Variants in SPTBN5 observed in about 807,000 individuals in gnomAD.
The protein encoded by SPTBN5 is spectrin beta chain, non-erythrocytic 5.
SPTBN5 carries 513 observed loss-of-function variants against 477.6 expected under a neutral mutation model. The ratio of observed to expected loss-of-function variants is 1.07; its 90% CI spans 1.00 to 1.16. The LOEUF (loss-of-function observed/expected upper bound fraction) is 1.16. SPTBN5 is among the 50% of genes most tolerant of loss of function. The pLI is 0.00. For missense variants in SPTBN5, 5,062 were observed against 4,731.8 expected, an observed-to-expected ratio of 1.07 and a Z score of -2.05; for synonymous variants, 2,169 against 2,011.7, an observed-to-expected ratio of 1.08 and a Z score of -2.09.
chr15:41,879,691 G>A, intron 15 of SPTBN5, 43 bp downstream of exon 15: 1 of 1,609,968 alleles, frequency 6.2e-7, no homozygotes, highest in African/African-American at 1.3e-5. Context: ...GCTGGGCACT[G>A]TGTCTGCCTG....
chr15:41,866,059 T>A lies in SPTBN5; in HGVS notation c.6801A>T (p.Ala2267=). 1 of 1,555,404 alleles carries A rather than the reference T, an allele frequency of 6.4e-7. No individual in the cohort carries two copies. The highest frequency in any genetic ancestry group is 8.7e-7 in the Non-Finnish European group (1 of 1,149,888). Residue 2267 remains alanine (A), a synonymous_variant, in exon 38 of 68, where the codon GCA becomes GCT. Transcript: ENST00000320955. ...FLEFLQRVDL[A]EAWIQEKEVK... is the part of the protein sequence containing the mutation. Reference sequence around the variant, plus strand: ...ACACCTTCTCCTGGATCCAGGCCTCTGCAAGGTCCACTCTCTGCAGGAACT... The same window carrying A: ...ACACCTTCTCCTGGATCCAGGCCTCAGCAAGGTCCACTCTCTGCAGGAACT...
chr15:41,853,045 C>T (rs1302222565), intron 59 of SPTBN5, 45 bp from the exon 60 acceptor site: 2 of 1,469,810 alleles, frequency 1.4e-6, no homozygotes, highest in Non-Finnish European at 1.8e-6. Flanking sequence ...GGTAGGGCTC[C>T]CACCATGGGC....
chr15:41,859,913 A>T (rs930666705), intron 47 of SPTBN5, among the ~76,000 whole-genome samples: 1 of 152,184 alleles, frequency 6.6e-6, no homozygotes, highest in African/African-American at 2.4e-5. Context: ...CTCTCTGAGA[A>T]GGACAAAAGC....
chr15:41,848,252 T>G lies in SPTBN5; in HGVS notation c.*364A>C. On this transcript the variant is annotated 3_prime_UTR_variant, in exon 68 of 68. Transcript: ENST00000320955. ...TACAGAGCTCGCTCATCAGTGTTCT[T>G]CCTCCGAAGAGCACATTCTCTGCAC... 1 of 493,512 alleles carries G rather than the reference T, an allele frequency of 2.0e-6. No individual in the cohort carries two copies. Among genetic ancestry groups the G allele is most frequent in the Non-Finnish European group, 3.7e-6 (1 of 271,494 alleles). 30.6% of individuals were successfully genotyped at this position (493,512 alleles called of 1,614,324 possible). A position where few individuals can be genotyped will look rare whatever the true frequency, so the allele number is the denominator to read the frequency against.
Position 41,853,692 on chromosome 15 carries a change from G to A in SPTBN5, c.9870C>T (p.Ala3290=). The change falls in exon 58 of 68, where the codon GCC becomes GCT. Residue 3290 remains alanine, a synonymous_variant. Transcript: ENST00000320955. ...GGGTGGCCCAGGCCTCCTGCACCTT[G>A]GCCAGGCCCCCCGGAGCTGCAGGAT... ...QLHPAAPGGL[A]KVQEAWATLQ... The A allele has an allele frequency of 1.2e-6, 2 of 1,601,994 alleles. No homozygotes were observed. The highest frequency in any genetic ancestry group is 2.2e-5 in the East Asian group (1 of 44,614).
chr15:41,853,032 T>TTGGGTAGGGCTCCCACCA, intron 59 of SPTBN5, 32 bp from the exon 60 acceptor site: 2 of 1,483,332 alleles, frequency 1.3e-6, no homozygotes, highest in Non-Finnish European at 1.8e-6. Context: ...GGGTGACAGC[T>TTGGGTAGGGCTCCCACCA]TGGGTAGGGC....
rs1362947430 is a variant in SPTBN5 at position 41,883,051 on chromosome 15, T to C, written c.1837A>G (p.Lys613Glu). The C allele has an allele frequency of 1.3e-6, 2 of 1,573,604 alleles. No homozygotes were observed. Among genetic ancestry groups the C allele is most frequent in the South Asian group, 1.2e-5 (1 of 86,494 alleles). ...LGTSVEVLQA[K>E]ARTLAQLQQS... The stretch of plus-strand genomic sequence containing the variant: ...TGGAGCTGGGCCAGTGTCCTGGCCT[T>C]GGCCTGCAGCACCTCCACACTGGTG... The change falls in exon 9 of 68, where the codon AAG (lysine) becomes GAG (glutamate). Residue 613 changes from lysine to glutamate, a missense_variant. Physicochemically the swap from Lys to Glu is moderately conservative, Grantham distance 56. Transcript: ENST00000320955.
At chr15:41,855,450 C>T in intron 54 of SPTBN5, 22 bp from the exon 55 acceptor site, 2 of 1,596,402 alleles carry the variant, frequency 1.3e-6, no homozygotes, top group South Asian at 2.2e-5. Flanking sequence ...GAGCGACAGT[C>T]TGGACTGCAG....
rs777165967 is a variant in SPTBN5 at position 41,862,801 on chromosome 15, C to G, written c.7252G>C (p.Ala2418Pro). ...AGCCAGCTACGCACCTCCACCTGGG[C>G]CTGGATGGGGTGCACTTCCCGCTCC... ...ELEREVHPIQ[A>P]QVESLEREVG... Residue 2418 changes from alanine to proline, a missense_variant, in exon 42 of 68, where the codon GCC becomes CCC. Coordinates refer to ENST00000320955, the MANE Select transcript of SPTBN5 (RefSeq NM_016642.4). The G allele has an allele frequency of 4.4e-6, 7 of 1,573,576 alleles. No homozygotes were observed. The highest frequency in any genetic ancestry group is 5.2e-6 in the Non-Finnish European group (6 of 1,160,900).
At chr15:41,873,082 G>A (rs1421672286) in intron 26 of SPTBN5, among the ~76,000 whole-genome samples, 1 of 152,214 alleles carries the variant, frequency 6.6e-6, no homozygotes, top group African/African-American at 2.4e-5. Flanking sequence ...TGTGGGAGGA[G>A]GTCGGCTTCA....
intron 39 of SPTBN5, among the ~76,000 whole-genome samples, chr15:41,865,139 G>T (rs1457338502): frequency 6.6e-6 from 1 of 152,176 alleles, no homozygotes; most frequent in Non-Finnish European, 1.5e-5. Context: ...TAGCACATTT[G>T]GTCTTTAACA....
At position 41,855,374 on chromosome 15, in the gene SPTBN5, C is replaced by T; in HGVS notation, c.9273G>A (p.Leu3091=). Residue 3091 remains leucine (L), a synonymous_variant, in exon 55 of 68, where the codon CTG becomes CTA. Transcript: ENST00000320955. The stretch of plus-strand genomic sequence containing the variant: ...CGTGCCCCCTGGCCTCCGCCCTCCG[C>T]AGCAGCTCTGCGTGGGCCTCCCGAA... The part of the protein sequence containing the change: ...QAVREAHAEL[L]RRAEARGHGL... 1 of 1,605,222 alleles carries T rather than the reference C, an allele frequency of 6.2e-7. No homozygotes were observed. The highest frequency in any genetic ancestry group is 1.1e-5 in the South Asian group (1 of 91,036).
At chr15:41,891,193 C>T (rs2067299960) in intron 3 of SPTBN5, among the ~76,000 whole-genome samples, 2 of 152,154 alleles carry the variant, frequency 1.3e-5, no homozygotes, top group African/African-American at 4.8e-5. Context: ...CTGGTGTATC[C>T]TAGGGGAGTG....
chr15:41,871,313 G>T lies in SPTBN5; in HGVS notation c.5447+62C>A, dbSNP rs903791968. On this transcript the variant is annotated intron_variant, in intron 29 of 67. Transcript: ENST00000320955. ...CATGCCATCCTCTCTTACCACTCTGGGCCCTGCCTGCCCAGCTCCTTCCCC... is the reference window on the plus strand; with the variant it reads ...CATGCCATCCTCTCTTACCACTCTGTGCCCTGCCTGCCCAGCTCCTTCCCC... The T allele has an allele frequency of 1.5e-5, 20 of 1,353,980 alleles. No individual in the cohort carries two copies. The African/African-American group carries it at 3.1e-4, about 21-fold the overall frequency. The allele number at this position is 1,353,980 out of a possible 1,614,324, so 83.9% of individuals were successfully genotyped here.
At chr15:41,859,408 C>T (rs1164292185) in intron 47 of SPTBN5, among the ~76,000 whole-genome samples, 1 of 152,240 alleles carries the variant, frequency 6.6e-6, no homozygotes, top group Non-Finnish European at 1.5e-5. Context: ...ATCCACCTAC[C>T]TCGGCCTCCC....
chr15:41,882,216 AC>A (rs1177286002), intron 11 of SPTBN5, 52 bp downstream of exon 11: 3 of 732,874 alleles, frequency 4.1e-6, no homozygotes, highest in Non-Finnish European at 5.7e-6. Context: ...TGGCACCCCC[AC>A]CCCCGCCTCG....
Position 41,876,101 on chromosome 15 carries a change from C to G in SPTBN5, c.4122+13G>C, listed in dbSNP as rs2066715123. On this transcript the variant is annotated intron_variant, in intron 21 of 67. Transcript: ENST00000320955. ...ACAAGGAGGCTCTGCACCCTCTGTC[C>G]CGTGTCCCCCACCTGCTGCAGGGCC... 5.7e-6 allele frequency: 9 copies of G among 1,592,452 alleles called. No individual in the cohort carries two copies. The highest frequency in any genetic ancestry group is 6.8e-6 in the Non-Finnish European group (8 of 1,172,978).
At chr15:41,873,789 C>T (rs2066621178) in intron 25 of SPTBN5, 56 bp downstream of exon 25, 9 of 1,592,428 alleles carry the variant, frequency 5.7e-6, no homozygotes, top group Non-Finnish European at 7.7e-6. Flanking sequence ...ACAGGTGGCC[C>T]CTCAAGGAGC....
rs779734288 is a variant in SPTBN5, at chr15:41,866,419, C to T, written c.6555G>A (p.Leu2185=). Residue 2185 remains leucine, a synonymous_variant, in exon 37 of 68, where the codon CTG becomes CTA. Coordinates refer to ENST00000320955, the MANE Select transcript of SPTBN5 (RefSeq NM_016642.4). ...AGGCCTGGTGTTTCAGCAGGGGCTTCAGCTTATCTCTCAGGTCCCCAGGAG... is the reference window on the plus strand; with the variant it reads ...AGGCCTGGTGTTTCAGCAGGGGCTTTAGCTTATCTCTCAGGTCCCCAGGAG... ...PVPPGDLRDK[L]KPLLKHQAFE... 5.0e-6 allele frequency: 8 copies of T among 1,611,644 alleles called. No homozygotes were observed. The Admixed American group carries it at 5.0e-5, about 10-fold the overall frequency.
Sources: allele counts gnomAD v4.1 joint callset (sites outside exome capture counted in the v4.1 genomes callset), GRCh38; gene constraint gnomAD v4.1.1; transcripts MANE v1.5; gene names NCBI Gene and HGNC (gene_info 2026-07-23, HGNC 2026-07-21).